Variants in PTPRD observed in about 807,000 individuals in gnomAD.
PTPRD encodes the protein protein tyrosine phosphatase receptor type D.
In PTPRD, 34 loss-of-function variants were observed where a neutral mutation model predicts 214.5. The observed-to-expected ratio is 0.16, with a 90% CI of 0.12 to 0.21. The LOEUF is 0.21. Ranked by LOEUF, PTPRD falls within the 10% of genes least tolerant of loss-of-function variation. The pLI is 1.00. For missense variants in PTPRD, 2,545 were observed against 2,398.7 expected, an observed-to-expected ratio of 1.06 and a Z score of -1.27; for synonymous variants, 1,128 against 845.7, an observed-to-expected ratio of 1.33 and a Z score of -5.79.
In PTPRD at chr9:9,286,966, C is replaced by T. The variant is rs56037224; in HGVS notation, c.-202-103603G>A. Among the ~76,000 whole-genome samples the T allele has an allele frequency of 1.6e-3, 208 of 133,156 alleles. 2 individuals are homozygous for T. Among genetic ancestry groups the T allele is most frequent in the African/African-American group, 5.6e-3 (202 of 36,260 alleles). 87.4% of individuals were successfully genotyped at this position (133,156 alleles called of 152,430 possible). A position where few individuals can be genotyped will look rare whatever the true frequency, so the allele number is the denominator to read the frequency against. On this transcript the variant is annotated intron_variant, in intron 9 of 45. Coordinates refer to ENST00000381196, the MANE Select transcript of PTPRD (RefSeq NM_002839.4). ...TTTGGCTGGGCATAGTGGCTCATGT[C>T]TGTAATGCCAGCATTTGGAAGGCTG...
At chr9:9,176,320 G>C (rs1245370371) in intron 10 of PTPRD, among the ~76,000 whole-genome samples, 2 of 152,088 alleles carry the variant, frequency 1.3e-5, no homozygotes. Context: ...TTGATGATTT[G>C]ACCATTAAGG....
intron 14 of PTPRD, among the ~76,000 whole-genome samples, chr9:8,541,515 C>A (rs780289287): frequency 2.0e-5 from 3 of 152,148 alleles, no homozygotes; most frequent in African/African-American, 7.2e-5. Context: ...CAAGCACATA[C>A]CACCATACCC....
At chr9:9,821,677 T>A (rs1485663625) in intron 5 of PTPRD, among the ~76,000 whole-genome samples, 1 of 152,012 alleles carries the variant, frequency 6.6e-6, no homozygotes, top group Admixed American at 6.6e-5. Context: ...GTATCTATTA[T>A]TAAATGTAGC....
chr9:8,321,252 G>T (rs1012856602), intron 44 of PTPRD, among the ~76,000 whole-genome samples: 1 of 151,286 alleles, frequency 6.6e-6, no homozygotes, highest in Non-Finnish European at 1.5e-5. Context: ...ATCTTACCTT[G>T]CCAGAGTCTA....
chr9:9,120,854 G>T (rs924562665), intron 10 of PTPRD, among the ~76,000 whole-genome samples: 2 of 152,158 alleles, frequency 1.3e-5, no homozygotes, highest in Admixed American at 6.5e-5. Flanking sequence ...GTTTCCAAGG[G>T]TTGGTATCAC....
In PTPRD at chr9:9,250,160, G is replaced by A. The variant is rs145564838; in HGVS notation, c.-202-66797C>T. Among the ~76,000 whole-genome samples the A allele has an allele frequency of 6.8e-3, 1,032 of 152,106 alleles. 11 individuals carry two copies. The highest frequency in any genetic ancestry group is 0.023 in the African/African-American group (961 of 41,536). On this transcript the variant is annotated intron_variant, in intron 9 of 45. Transcript: ENST00000381196. ...TTCTTTAATATATGGCCACAATGTTGAGTTGACATCCTTACACTTATAGAA... is the reference window on the plus strand; with the variant it reads ...TTCTTTAATATATGGCCACAATGTTAAGTTGACATCCTTACACTTATAGAA...
At chr9:8,748,754 A>T (rs1382562699) in intron 11 of PTPRD, among the ~76,000 whole-genome samples, 2 of 151,978 alleles carry the variant, frequency 1.3e-5, no homozygotes, top group African/African-American at 4.8e-5. Context: ...TCTACTAAAA[A>T]TACAAGATTA....
At chr9:9,946,154 A>G (rs562781423) in intron 4 of PTPRD, among the ~76,000 whole-genome samples, 1 of 148,368 alleles carries the variant, frequency 6.7e-6, no homozygotes, top group African/African-American at 2.5e-5. Flanking sequence ...TGTACCTTCT[A>G]AGATAATAAG....
chr9:8,502,894 T>C lies in PTPRD; in HGVS notation c.1822+1367A>G, dbSNP rs570583837. Among the ~76,000 whole-genome samples the C allele has an allele frequency of 5.4e-4, 81 of 150,608 alleles. 1 individual carries two copies. Among genetic ancestry groups the C allele is most frequent in the African/African-American group, 1.9e-3 (76 of 40,624 alleles). The stretch of plus-strand genomic sequence containing the variant: ...CACACACATATGTTAAAAACTGAGG[T>C]TTGTAAACCATGGGAAATATAATAT... On this transcript the variant is annotated intron_variant, in intron 23 of 45. Transcript: ENST00000381196.
At chr9:9,072,567 A>G (rs2154410868) in intron 10 of PTPRD, among the ~76,000 whole-genome samples, 1 of 152,286 alleles carries the variant, frequency 6.6e-6, no homozygotes, top group African/African-American at 2.4e-5. Context: ...CCCACTAATT[A>G]TACTTTTATA....
chr9:10,179,486 T>A (rs2099269230), intron 3 of PTPRD, among the ~76,000 whole-genome samples: 1 of 152,022 alleles, frequency 6.6e-6, no homozygotes, highest in African/African-American at 2.4e-5. Flanking sequence ...ATGTCCAGAA[T>A]AATAATTTCA....
At chr9:10,116,323 G>A (rs2098731083) in intron 3 of PTPRD, among the ~76,000 whole-genome samples, 1 of 151,942 alleles carries the variant, frequency 6.6e-6, no homozygotes, top group Admixed American at 6.6e-5. Flanking sequence ...TAGACAAATG[G>A]TTATTAACTT....
At chr9:9,224,632 C>A (rs1378531182) in intron 9 of PTPRD, among the ~76,000 whole-genome samples, 3 of 151,886 alleles carry the variant, frequency 2.0e-5, no homozygotes, top group African/African-American at 7.2e-5. Flanking sequence ...ATTTTTATAT[C>A]TTTATGACTT....
intron 5 of PTPRD, among the ~76,000 whole-genome samples, chr9:9,787,079 G>C (rs1231041098): frequency 6.6e-6 from 1 of 152,014 alleles, no homozygotes; most frequent in East Asian, 1.9e-4. Context: ...GGAGGTTGCA[G>C]TGATCTGAGA....
At chr9:8,537,901 C>T (rs1483590327) in intron 14 of PTPRD, among the ~76,000 whole-genome samples, 2 of 151,964 alleles carry the variant, frequency 1.3e-5, no homozygotes, top group Non-Finnish European at 2.9e-5. Context: ...TCCAAGTTTA[C>T]ATTGCATTAA....
intron 11 of PTPRD, among the ~76,000 whole-genome samples, chr9:8,906,639 G>A (rs762191371): frequency 1.1e-4 from 16 of 152,114 alleles, no homozygotes; most frequent in Non-Finnish European, 1.9e-4. Flanking sequence ...CTAATAGTGG[G>A]AATCTGTGGC....
intron 37 of PTPRD, 34 bp from the exon 38 acceptor site, chr9:8,376,760 G>A: frequency 6.2e-7 from 1 of 1,609,636 alleles, no homozygotes; most frequent in Non-Finnish European, 8.5e-7. Context: ...CAGGGCAAAT[G>A]CTCATCAATT....
intron 9 of PTPRD, among the ~76,000 whole-genome samples, chr9:9,364,129 A>G (rs1360908470): frequency 6.6e-6 from 1 of 151,438 alleles, no homozygotes; most frequent in East Asian, 1.9e-4. Flanking sequence ...TCTTAAATCA[A>G]CATGAAATTA....
At chr9:8,681,734 T>C (rs1483593767) in intron 12 of PTPRD, among the ~76,000 whole-genome samples, 1 of 152,228 alleles carries the variant, frequency 6.6e-6, no homozygotes, top group African/African-American at 2.4e-5. Context: ...AAAGATGACC[T>C]GAAAATTCCC....
Sources: allele counts gnomAD v4.1 joint callset (sites outside exome capture counted in the v4.1 genomes callset), GRCh38; gene constraint gnomAD v4.1.1; transcripts MANE v1.5; gene names NCBI Gene and HGNC (gene_info 2026-07-23, HGNC 2026-07-21).